The following PDZRN3 variants were observed in gnomAD, a reference collection of about 807,000 sequenced individuals.
PDZRN3 encodes PDZ domain containing ring finger 3, also known as E3 ubiquitin-protein ligase PDZRN3.
In PDZRN3, 38 loss-of-function variants were observed where a neutral mutation model predicts 85.7. That is an observed-to-expected ratio of 0.44 (90% CI 0.34 to 0.58). The LOEUF is 0.58. Ranked by LOEUF, PDZRN3 falls within the 20% of genes least tolerant of loss-of-function variation. The pLI is 0.01. For synonymous variants in PDZRN3, 759 were observed against 638.0 expected, an observed-to-expected ratio of 1.19 and a Z score of -2.86; for missense variants, 1,629 against 1,506.4, an observed-to-expected ratio of 1.08 and a Z score of -1.35.
At chr3:73,600,987 C>A (rs1702508207) in intron 3 of PDZRN3, among the ~76,000 whole-genome samples, 2 of 152,134 alleles carry the variant, frequency 1.3e-5, no homozygotes, top group South Asian at 4.1e-4. Flanking sequence ...GGGGATGCAA[C>A]AATATTAATA....
chr3:73,523,892 C>G (rs1704456921), intron 3 of PDZRN3, among the ~76,000 whole-genome samples: 3 of 152,148 alleles, frequency 2.0e-5, no homozygotes, highest in Admixed American at 2.0e-4. Context: ...AGGAAATGAA[C>G]AAGTAGAGAA....
intron 3 of PDZRN3, among the ~76,000 whole-genome samples, chr3:73,411,871 G>A (rs918206806): frequency 1.3e-5 from 2 of 152,192 alleles, no homozygotes; most frequent in Non-Finnish European, 2.9e-5. Flanking sequence ...AAACCCAACA[G>A]TGGTACAACA....
chr3:73,612,824 C>A (rs1398993318), intron 1 of PDZRN3, among the ~76,000 whole-genome samples: 1 of 152,176 alleles, frequency 6.6e-6, no homozygotes, highest in African/African-American at 2.4e-5. Flanking sequence ...GTCACCAGTT[C>A]TCATGTCACC....
chr3:73,429,177 C>G (rs977787682), intron 3 of PDZRN3, among the ~76,000 whole-genome samples: 1 of 152,152 alleles, frequency 6.6e-6, no homozygotes, highest in African/African-American at 2.4e-5. Context: ...TCCCAAAGTG[C>G]TGGGATTATA....
intron 3 of PDZRN3, among the ~76,000 whole-genome samples, chr3:73,448,051 C>T (rs1397791010): frequency 6.6e-6 from 1 of 152,186 alleles, no homozygotes; most frequent in Non-Finnish European, 1.5e-5. Flanking sequence ...CCATATACTG[C>T]CAGTGGGAGT....
At chr3:73,403,253 G>A (rs557121411) in intron 4 of PDZRN3, among the ~76,000 whole-genome samples, 1 of 152,292 alleles carries the variant, frequency 6.6e-6, no homozygotes, top group East Asian at 1.9e-4. Flanking sequence ...GCCTTGAAAA[G>A]CTATGTTAAA....
At chr3:73,601,353 T>C (rs918452042) in intron 3 of PDZRN3, among the ~76,000 whole-genome samples, 1 of 152,170 alleles carries the variant, frequency 6.6e-6, no homozygotes, top group Non-Finnish European at 1.5e-5. Context: ...ACTCAGGAAA[T>C]ACAGACATGA....
At chr3:73,550,753 GT>G (rs1349148893) in intron 3 of PDZRN3, among the ~76,000 whole-genome samples, 1 of 152,178 alleles carries the variant, frequency 6.6e-6, no homozygotes, top group African/African-American at 2.4e-5. Context: ...AGAAATAGAA[GT>G]GCCAATGATC....
intron 3 of PDZRN3, among the ~76,000 whole-genome samples, chr3:73,600,331 A>ACTCTCTCT (rs1236234605): frequency 1.7e-3 from 147 of 85,946 alleles, no homozygotes; most frequent in African/African-American, 6.8e-3. Flanking sequence ...ACACACACAC[A>ACTCTCTCT]CACACACTCT....
chr3:73,416,893 T>TTTTTTTTTTTTTTG (rs1702100975), intron 3 of PDZRN3, among the ~76,000 whole-genome samples: 1 of 142,426 alleles, frequency 7.0e-6, no homozygotes, highest in African/African-American at 2.7e-5. Context: ...TTTTTTTTTT[T>TTTTTTTTTTTTTTG]TTTTTTTTTT....
chr3:73,404,253 A>G lies in PDZRN3; in HGVS notation c.1061T>C (p.Val354Ala). ...MFTPPSESQL[V>A]DTGTQTDITF... ...GATGTCGGTTTGGGTTCCCGTGTCC[A>G]CCAGCTGAGACTCTGATGGAGGCGT... The change falls in exon 4 of 10, where the codon GTG becomes GCG. Residue 354 changes from valine (V) to alanine (A), a missense_variant. Val to Ala is a moderately conservative substitution (Grantham distance 64). Coordinates refer to ENST00000263666, the MANE Select transcript of PDZRN3 (RefSeq NM_015009.3). The G allele has an allele frequency of 6.2e-7, 1 of 1,614,160 alleles. No individual in the cohort carries two copies. Among genetic ancestry groups the G allele is most frequent in the Non-Finnish European group, 8.5e-7 (1 of 1,180,032 alleles).
intron 3 of PDZRN3, among the ~76,000 whole-genome samples, chr3:73,442,662 A>T (rs564329165): frequency 6.6e-6 from 1 of 151,302 alleles, no homozygotes; most frequent in African/African-American, 2.4e-5. Flanking sequence ...GGCACTAATT[A>T]AAAAAATCAG....
At chr3:73,415,413 G>A (rs1702057210) in intron 3 of PDZRN3, among the ~76,000 whole-genome samples, 1 of 152,188 alleles carries the variant, frequency 6.6e-6, no homozygotes, top group African/African-American at 2.4e-5. Flanking sequence ...CTGACTCTTG[G>A]AGGCTTCAGG....
At chr3:73,583,665 T>C (rs1376322757) in intron 3 of PDZRN3, among the ~76,000 whole-genome samples, 1 of 152,276 alleles carries the variant, frequency 6.6e-6, no homozygotes, top group African/African-American at 2.4e-5. Flanking sequence ...TAGCACAGGA[T>C]GGCCTCTGGT....
chr3:73,516,088 A>G (rs1056802858), intron 3 of PDZRN3, among the ~76,000 whole-genome samples: 3 of 152,168 alleles, frequency 2.0e-5, no homozygotes, highest in Non-Finnish European at 4.4e-5. Context: ...GTATAGATGT[A>G]TTGTTATTTA....
At chr3:73,416,141 G>T (rs893788177) in intron 3 of PDZRN3, among the ~76,000 whole-genome samples, 12 of 151,998 alleles carry the variant, frequency 7.9e-5, no homozygotes, top group Admixed American at 7.2e-4. Flanking sequence ...GTGAAGAAGA[G>T]ATTAGAAAAA....
intron 3 of PDZRN3, among the ~76,000 whole-genome samples, chr3:73,582,502 T>C (rs574474835): frequency 6.6e-6 from 1 of 152,192 alleles, no homozygotes; most frequent in South Asian, 2.1e-4. Flanking sequence ...AAATGTATAT[T>C]TTATATATAT....
chr3:73,456,915 G>C (rs1239155234), intron 3 of PDZRN3, among the ~76,000 whole-genome samples: 24 of 150,906 alleles, frequency 1.6e-4, no homozygotes. Flanking sequence ...TGAGAGGATG[G>C]TCTCTCCAGA....
At chr3:73,535,443 CA>C (rs1234582763) in intron 3 of PDZRN3, among the ~76,000 whole-genome samples, 1 of 152,162 alleles carries the variant, frequency 6.6e-6, no homozygotes, top group Non-Finnish European at 1.5e-5. Flanking sequence ...TTAACTGGAG[CA>C]TCAGTGATAC....
Sources: allele counts gnomAD v4.1 joint callset (sites outside exome capture counted in the v4.1 genomes callset), GRCh38; gene constraint gnomAD v4.1.1; transcripts MANE v1.5; gene names NCBI Gene and HGNC (gene_info 2026-07-23, HGNC 2026-07-21).